Variants in TMEM74 observed in about 807,000 individuals in gnomAD.
TMEM74 encodes the protein transmembrane protein 74.
Under a neutral mutation model 18.1 loss-of-function variants are expected in TMEM74, and 13 were observed. The observed-to-expected ratio is 0.72, with a 90% CI of 0.47 to 1.14. The LOEUF is 1.14. Among genes scored for constraint, TMEM74 ranks in the 50% most tolerant of loss-of-function variants. The probability of loss-of-function intolerance (pLI) is 0.00; values close to 1 mark genes in which losing one functional copy is unlikely to be tolerated. For missense variants in TMEM74, 372 were observed against 375.9 expected, an observed-to-expected ratio of 0.99 and a Z score of 0.09; for synonymous variants, 159 against 146.6, an observed-to-expected ratio of 1.08 and a Z score of -0.61.
intron 1 of TMEM74, among the ~76,000 whole-genome samples, chr8:108,719,101 G>GAGT (rs2130629793): frequency 6.6e-6 from 1 of 151,994 alleles, no homozygotes; most frequent in East Asian, 1.9e-4. Context: ...AACTCAATTA[G>GAGT]AGTAGAGCAG....
At position 108,784,397 on chromosome 8, in the gene TMEM74, C is replaced by A. The variant is rs773288402; in HGVS notation, c.702G>T (p.Ala234=). The change falls in exon 2 of 2, where the codon GCG becomes GCT. Residue 234 remains alanine (A), a synonymous_variant. Coordinates refer to ENST00000297459, the MANE Select transcript of TMEM74 (RefSeq NM_153015.3). ...CCCCCAGCGTGAGGAGGCAGAGCCC[C>A]GCAATCACACAGCGGTCCAGGTGAG... ...LGAHLDRCVI[A]GLCLLTLGGV... 1 of 1,614,090 alleles carries A rather than the reference C, an allele frequency of 6.2e-7. No individual in the cohort carries two copies. Among genetic ancestry groups the A allele is most frequent in the Non-Finnish European group, 8.5e-7 (1 of 1,180,032 alleles).
rs1052184914 is a variant in TMEM74 at position 108,779,941 on chromosome 8, T to C, written c.*4240A>G. Among the ~76,000 whole-genome samples the C allele has an allele frequency of 4.6e-5, 7 of 152,192 alleles. No homozygotes were observed. Among genetic ancestry groups the C allele is most frequent in the African/African-American group, 1.7e-4 (7 of 41,458 alleles). On this transcript the variant is annotated 3_prime_UTR_variant, in exon 2 of 2. Coordinates refer to ENST00000297459, the MANE Select transcript of TMEM74 (RefSeq NM_153015.3). ...TTATAAAATTTGTGAGATGATAATATAGAATATTATGAACCAAAAACAGAT... is the reference window on the plus strand; with the variant it reads ...TTATAAAATTTGTGAGATGATAATACAGAATATTATGAACCAAAAACAGAT...
At chr8:108,663,861 AG>A (rs1812924089) in intron 1 of TMEM74, among the ~76,000 whole-genome samples, 1 of 152,322 alleles carries the variant, frequency 6.6e-6, no homozygotes, top group African/African-American at 2.4e-5. Context: ...ACAAAGGAAC[AG>A]AAAACCAAAC....
chr8:108,615,746 G>A (rs1178290607), intron 2 of TMEM74, among the ~76,000 whole-genome samples: 2 of 151,130 alleles, frequency 1.3e-5, no homozygotes, highest in African/African-American at 4.9e-5. Flanking sequence ...CTCTGGATGT[G>A]GGATGACACT....
intron 2 of TMEM74, among the ~76,000 whole-genome samples, chr8:108,619,523 C>T (rs1812418937): frequency 1.3e-5 from 2 of 152,198 alleles, no homozygotes; most frequent in South Asian, 4.1e-4. Flanking sequence ...AAGCCAGGTG[C>T]TGGGAGACCC....
At chr8:108,704,156 A>T (rs556877860) in intron 1 of TMEM74, among the ~76,000 whole-genome samples, 1 of 152,352 alleles carries the variant, frequency 6.6e-6, no homozygotes, top group South Asian at 2.1e-4. Flanking sequence ...TTGGAAGAGA[A>T]GAGAGTTAGT....
chr8:108,641,191 A>G (rs73702119), intron 2 of TMEM74, among the ~76,000 whole-genome samples: 2,209 of 152,270 alleles, frequency 0.015, 58 homozygotes, highest in African/African-American at 0.05. Flanking sequence ...GTCCTTTTGA[A>G]GTTGGCAGGT....
intron 1 of TMEM74, among the ~76,000 whole-genome samples, chr8:108,684,567 G>C (rs569354011): frequency 6.6e-5 from 10 of 152,076 alleles, no homozygotes; most frequent in African/African-American, 1.9e-4. Context: ...TTGTGCAGAA[G>C]CTTTTTAGTT....
chr8:108,769,013 T>A (rs1814141666), intron 1 of TMEM74, among the ~76,000 whole-genome samples: 2 of 152,024 alleles, frequency 1.3e-5, no homozygotes, highest in African/African-American at 4.8e-5. Flanking sequence ...ATTAAAAATG[T>A]CACGTGAGGC....
At chr8:108,615,819 CTTTTTT>C (rs71564011) in intron 2 of TMEM74, among the ~76,000 whole-genome samples, 1 of 76,418 alleles carries the variant, frequency 1.3e-5, no homozygotes, top group African/African-American at 5.4e-5. Context: ...TGCATGGGAG[CTTTTTT>C]TTTTTTTTTT....
At chr8:108,751,133 C>T (rs954271651) in intron 1 of TMEM74, among the ~76,000 whole-genome samples, 2 of 152,060 alleles carry the variant, frequency 1.3e-5, no homozygotes, top group African/African-American at 4.8e-5. Context: ...GGACAGATAC[C>T]TTACAATATT....
chr8:108,701,469 A>T (rs1813334256), intron 1 of TMEM74, among the ~76,000 whole-genome samples: 1 of 152,206 alleles, frequency 6.6e-6, no homozygotes, highest in Admixed American at 6.5e-5. Flanking sequence ...TACAGATGGC[A>T]TGATTGTCCA....
intron 1 of TMEM74, among the ~76,000 whole-genome samples, chr8:108,660,778 T>C (rs1027843427): frequency 6.6e-6 from 1 of 152,098 alleles, no homozygotes; most frequent in Non-Finnish European, 1.5e-5. Context: ...CCACAGAGAG[T>C]ATTTCATGCA....
intron 2 of TMEM74, among the ~76,000 whole-genome samples, chr8:108,630,642 T>G (rs1211291582): frequency 1.3e-5 from 2 of 151,922 alleles, no homozygotes; most frequent in African/African-American, 4.8e-5. Context: ...CACAGTGCAA[T>G]CAAATTAGAA....
chr8:108,628,783 C>T (rs530675031), intron 2 of TMEM74, among the ~76,000 whole-genome samples: 95 of 152,192 alleles, frequency 6.2e-4, no homozygotes, highest in African/African-American at 2.1e-3. Flanking sequence ...TCCACATCCT[C>T]GCCAGCATCT....
intron 1 of TMEM74, among the ~76,000 whole-genome samples, chr8:108,770,346 C>G (rs910593938): frequency 6.6e-5 from 10 of 152,258 alleles, no homozygotes; most frequent in African/African-American, 2.4e-4. Flanking sequence ...TAGAGGTCAA[C>G]AACAACAAAA....
intron 2 of TMEM74, among the ~76,000 whole-genome samples, chr8:108,609,474 C>A (rs1812312294): frequency 6.6e-6 from 1 of 152,050 alleles, no homozygotes; most frequent in Non-Finnish European, 1.5e-5. Flanking sequence ...ATGGTGAAAC[C>A]CCATTTCTAC....
chr8:108,611,649 AT>A, intron 2 of TMEM74, among the ~76,000 whole-genome samples: 1 of 152,166 alleles, frequency 6.6e-6, no homozygotes, highest in Non-Finnish European at 1.5e-5. Context: ...CCGATTTTTA[AT>A]TCTTCCTCAG....
intron 1 of TMEM74, among the ~76,000 whole-genome samples, chr8:108,699,183 TCCTCCCTCCCTCCCTC>T (rs1171916387): frequency 1.3e-4 from 9 of 70,458 alleles, no homozygotes; most frequent in Non-Finnish European, 1.8e-4. Flanking sequence ...CTTCCTTCCT[TCCTCCCTCCCTCCCTC>T]CCTCCCTCCC....
Sources: gnomAD v4.1 joint callset for allele counts (sites outside exome capture counted in the v4.1 genomes callset) on GRCh38, gnomAD v4.1.1 for gene constraint, MANE v1.5 for transcripts, NCBI Gene and HGNC (gene_info 2026-07-23, HGNC 2026-07-21) for gene names.